PCDH11Y: variants seen among roughly 807,000 people sequenced by gnomAD.
PCDH11Y encodes protocadherin-11 Y-linked.
For synonymous variants in PCDH11Y, 9 were observed against 83.6 expected (o/e 0.11, Z 4.87); for missense variants, 12 against 224.8 (o/e 0.05, Z 6.05).
chrY:5,388,015 C>A, intron 2 of PCDH11Y, among the ~76,000 whole-genome samples: 5 of 30,929 alleles, frequency 1.6e-4, no homozygotes, highest in African/African-American at 6.4e-4. Context: ...TCACTCCCAC[C>A]GTGCCCCCCA....
At chrY:5,437,032 G>A (rs2053276014) in intron 2 of PCDH11Y, among the ~76,000 whole-genome samples, 17 of 32,625 alleles carry the variant, frequency 5.2e-4, no homozygotes, top group African/African-American at 2.0e-3. Context: ...CAAACAGGTC[G>A]TGTTTCCTCT....
chrY:5,699,883 T>C (rs531828424), intron 4 of PCDH11Y, among the ~76,000 whole-genome samples: 2 of 32,920 alleles, frequency 6.1e-5, no homozygotes, highest in South Asian at 1.4e-3. Context: ...AAAAGTATGA[T>C]TTCCCGAGTT....
chrY:5,384,847 G>A, intron 2 of PCDH11Y, among the ~76,000 whole-genome samples: 1 of 27,323 alleles, frequency 3.7e-5, no homozygotes, highest in Non-Finnish European at 8.6e-5. Flanking sequence ...TGTTTTGCTG[G>A]CTCAGGTTTA....
chrY:5,535,878 C>T, intron 3 of PCDH11Y, among the ~76,000 whole-genome samples: 18 of 32,981 alleles, frequency 5.5e-4, no homozygotes, highest in Non-Finnish European at 1.2e-3. Context: ...CTTTTCACCA[C>T]ATCCACGCCA....
intron 2 of PCDH11Y, among the ~76,000 whole-genome samples, chrY:5,335,334 C>T: frequency 6.1e-5 from 2 of 32,913 alleles, no homozygotes; most frequent in Admixed American, 5.7e-4. Context: ...ACTCAGTTCC[C>T]AGCTTGACTT....
At chrY:5,035,578 C>T (rs2124622179) in intron 3 of PCDH11Y, among the ~76,000 whole-genome samples, 1 of 32,260 alleles carries the variant, frequency 3.1e-5, no homozygotes, top group Non-Finnish European at 7.6e-5. Context: ...ATATATTGCA[C>T]GTATCCAATT....
chrY:5,700,388 T>C, intron 4 of PCDH11Y, among the ~76,000 whole-genome samples: 1 of 33,039 alleles, frequency 3.0e-5, no homozygotes, highest in Non-Finnish European at 7.4e-5. Context: ...CCAAATCTTA[T>C]CTTGAATTGT....
chrY:5,054,183 T>C (rs2052656888), upstream of PCDH11Y, among the ~76,000 whole-genome samples: 1 of 32,764 alleles, frequency 3.1e-5, no homozygotes, highest in Non-Finnish European at 7.5e-5. Flanking sequence ...TATTGCGACA[T>C]GCATGCAATG....
intron 2 of PCDH11Y, among the ~76,000 whole-genome samples, chrY:5,149,255 A>G: frequency 3.0e-5 from 1 of 32,805 alleles, no homozygotes; most frequent in Non-Finnish European, 7.5e-5. Context: ...TTAAGAAGAA[A>G]GACTCTCAAG....
At chrY:5,264,564 G>T in intron 2 of PCDH11Y, among the ~76,000 whole-genome samples, 1 of 33,500 alleles carries the variant, frequency 3.0e-5, no homozygotes, top group Non-Finnish European at 7.5e-5. Flanking sequence ...CAACATCCAG[G>T]GCCTAGAAAT....
At chrY:5,507,266 T>G in intron 3 of PCDH11Y, among the ~76,000 whole-genome samples, 1 of 33,037 alleles carries the variant, frequency 3.0e-5, no homozygotes, top group Non-Finnish European at 7.5e-5. Context: ...TAAATCTTTC[T>G]CTATTGAAGC....
chrY:5,593,805 A>G (rs2053464593), intron 4 of PCDH11Y, among the ~76,000 whole-genome samples: 3 of 31,847 alleles, frequency 9.4e-5, no homozygotes, highest in African/African-American at 3.7e-4. Context: ...CCCAACTTCT[A>G]TACTACGTGC....
At chrY:5,108,166 TGTACTGTATACTTTC>T (rs2052796623), downstream of PCDH11Y, among the ~76,000 whole-genome samples, 3 of 32,281 alleles carry the variant, frequency 9.3e-5, no homozygotes, top group Non-Finnish European at 2.3e-4. Flanking sequence ...TGAGCTACAG[TGTACTGTATACTTTC>T]TCCCCTGCAA....
At chrY:5,285,839 T>A in intron 2 of PCDH11Y, among the ~76,000 whole-genome samples, 1 of 33,743 alleles carries the variant, frequency 3.0e-5, no homozygotes, top group Non-Finnish European at 7.4e-5. Context: ...AAATATTTTC[T>A]CCCATACTGT....
intron 2 of PCDH11Y, among the ~76,000 whole-genome samples, chrY:5,281,673 A>G: frequency 3.4e-5 from 1 of 29,512 alleles, no homozygotes; most frequent in East Asian, 9.3e-4. Context: ...GGAGAAGGGA[A>G]ACGTAATAGC....
intron 1 of PCDH11Y, among the ~76,000 whole-genome samples, chrY:5,059,576 A>G (rs2052670370): frequency 3.0e-5 from 1 of 33,458 alleles, no homozygotes; most frequent in East Asian, 7.9e-4. Flanking sequence ...CTTCCAAGAA[A>G]TTTCTGATTT....
intron 3 of PCDH11Y, among the ~76,000 whole-genome samples, chrY:5,525,481 C>T: frequency 3.3e-5 from 1 of 30,105 alleles, no homozygotes; most frequent in Non-Finnish European, 7.9e-5. Flanking sequence ...TGCAGTAGTT[C>T]TCTTCCTTTT....
chrY:5,049,287 T>C, intron 3 of PCDH11Y, among the ~76,000 whole-genome samples: 1 of 30,613 alleles, frequency 3.3e-5, no homozygotes, highest in South Asian at 7.7e-4. Flanking sequence ...TGTAGCCCTG[T>C]AGTATAGTTT....
chrY:5,238,573 G>A, intron 2 of PCDH11Y, among the ~76,000 whole-genome samples: 1 of 33,394 alleles, frequency 3.0e-5, no homozygotes, highest in Non-Finnish European at 7.4e-5. Flanking sequence ...ATTGACATAT[G>A]GGATCTAATT....
Sources: gnomAD v4.1 joint callset for allele counts (sites outside exome capture counted in the v4.1 genomes callset) on GRCh38, gnomAD v4.1.1 for gene constraint, MANE v1.5 for transcripts, NCBI Gene and HGNC (gene_info 2026-07-23, HGNC 2026-07-21) for gene names.